The following EPB41L2 variants were observed in gnomAD, a reference collection of about 807,000 sequenced individuals.
The protein encoded by EPB41L2 is erythrocyte membrane protein band 4.1 like 2.
Under a neutral mutation model 113.0 loss-of-function variants are expected in EPB41L2, and 43 were observed. That is an observed-to-expected ratio of 0.38 (90% CI 0.30 to 0.49). The LOEUF is 0.49. EPB41L2 is among the 20% of genes least tolerant of loss of function. The probability of loss-of-function intolerance (pLI) is 0.95; values close to 1 mark genes in which losing one functional copy is unlikely to be tolerated. For missense variants in EPB41L2, 1,147 were observed against 1,223.4 expected (o/e 0.94, Z 0.93); for synonymous variants, 442 against 436.7 (o/e 1.01, Z -0.15).
chr6:130,902,549 TTA>T (rs1409594817), intron 6 of EPB41L2, among the ~76,000 whole-genome samples: 1 of 152,178 alleles, frequency 6.6e-6, no homozygotes, highest in African/African-American at 2.4e-5. Flanking sequence ...TTAAGGAGGA[TTA>T]TATGTTTCCT....
chr6:130,879,429 A>C lies in EPB41L2; in HGVS notation c.1896+715T>G, dbSNP rs1039540840. Among the ~76,000 whole-genome samples the C allele has an allele frequency of 3.3e-5, 5 of 152,188 alleles. No individual in the cohort carries two copies. In the South Asian group the frequency reaches 1.0e-3, roughly 31 times the overall value. ...TTACCAAGCTGCCAAAAGCAACCAAACAGATTAGTCAGATTACTGAGAGCT... is the reference window on the plus strand; with the variant it reads ...TTACCAAGCTGCCAAAAGCAACCAACCAGATTAGTCAGATTACTGAGAGCT... On this transcript the variant is annotated intron_variant, in intron 13 of 19. Coordinates refer to ENST00000337057, the MANE Select transcript of EPB41L2 (RefSeq NM_001431.4).
chr6:131,025,971 A>G (rs1431245534), intron 1 of EPB41L2, among the ~76,000 whole-genome samples: 1 of 152,230 alleles, frequency 6.6e-6, no homozygotes, highest in Admixed American at 6.5e-5. Flanking sequence ...AGTCACCTAA[A>G]AAAAATACCA....
chr6:130,843,948 G>C (rs1336734561), intron 19 of EPB41L2, among the ~76,000 whole-genome samples: 1 of 152,184 alleles, frequency 6.6e-6, no homozygotes, highest in Non-Finnish European at 1.5e-5. Flanking sequence ...CAAGTTCTAT[G>C]ATCTTGCCCG....
At chr6:130,998,883 A>T (rs62423597) in intron 1 of EPB41L2, among the ~76,000 whole-genome samples, 55,687 of 151,856 alleles carry the variant, frequency 0.37, 10,492 homozygotes, top group African/African-American at 0.41. Context: ...CTCCACTGAG[A>T]GAGGAAAGCA....
Position 130,843,764 on chromosome 6 carries a change from G to A in EPB41L2, c.*6-3166C>T, listed in dbSNP as rs1485278486. Among the ~76,000 whole-genome samples the A allele has an allele frequency of 2.6e-5, 4 of 152,152 alleles. No homozygotes were observed. In the East Asian group the frequency reaches 7.7e-4, roughly 29 times the overall value. On this transcript the variant is annotated intron_variant, in intron 19 of 19. Transcript: ENST00000337057. ...TATGTCCCCCTCTTTTGGCCAATGT[G>A]AGAATAGATCAATGTGGCTCAATTT...
chr6:130,848,191 TCTCTCTCTCACACACACACA>T, intron 19 of EPB41L2, among the ~76,000 whole-genome samples: 1 of 113,958 alleles, frequency 8.8e-6, no homozygotes, highest in East Asian at 2.6e-4. Context: ...TGTCTCTCTC[TCTCTCTCTCACACACACACA>T]CACACACACA....
At chr6:131,056,617 A>G (rs1797648640) in intron 1 of EPB41L2, among the ~76,000 whole-genome samples, 1 of 152,244 alleles carries the variant, frequency 6.6e-6, no homozygotes, top group Non-Finnish European at 1.5e-5. Flanking sequence ...ATTCACCAGT[A>G]ACCAACCCAC....
chr6:131,044,683 T>G (rs1795088671), intron 1 of EPB41L2, among the ~76,000 whole-genome samples: 1 of 152,098 alleles, frequency 6.6e-6, no homozygotes, highest in African/African-American at 2.4e-5. Context: ...GGGAAAGCAC[T>G]CCATTCCAAG....
intron 18 of EPB41L2, among the ~76,000 whole-genome samples, chr6:130,858,531 A>T (rs1302491455): frequency 6.6e-6 from 1 of 152,278 alleles, no homozygotes; most frequent in Non-Finnish European, 1.5e-5. Flanking sequence ...AGATTTGGAG[A>T]AAACAGTTCT....
chr6:130,892,254 C>T (rs1056344043), intron 10 of EPB41L2, among the ~76,000 whole-genome samples: 9 of 152,076 alleles, frequency 5.9e-5, no homozygotes, highest in Admixed American at 2.0e-4. Flanking sequence ...TGCCTGGCTG[C>T]TGTGCTCCTC....
intron 1 of EPB41L2, among the ~76,000 whole-genome samples, chr6:130,992,027 G>A (rs1781990497): frequency 6.6e-6 from 1 of 151,942 alleles, no homozygotes; most frequent in African/African-American, 2.4e-5. Context: ...AGAAAAAAAA[G>A]AAAATCTTTC....
chr6:130,960,591 C>A (rs1224019005), intron 1 of EPB41L2, among the ~76,000 whole-genome samples: 1 of 152,124 alleles, frequency 6.6e-6, no homozygotes, highest in Non-Finnish European at 1.5e-5. Flanking sequence ...ATGGAAGTTA[C>A]AAGACAGAAA....
intron 4 of EPB41L2, among the ~76,000 whole-genome samples, chr6:130,922,217 C>A (rs567303151): frequency 6.6e-6 from 1 of 152,272 alleles, no homozygotes; most frequent in African/African-American, 2.4e-5. Flanking sequence ...ACAGAATCAC[C>A]ATCAATAAGT....
chr6:130,954,145 C>T (rs539203159), intron 3 of EPB41L2, among the ~76,000 whole-genome samples: 7 of 147,322 alleles, frequency 4.8e-5, no homozygotes, highest in East Asian at 2.1e-4. Flanking sequence ...CTCCGCCTCC[C>T]GGGTTCACGC....
At chr6:130,984,663 A>G (rs998576633) in intron 1 of EPB41L2, among the ~76,000 whole-genome samples, 1 of 152,208 alleles carries the variant, frequency 6.6e-6, no homozygotes, top group South Asian at 2.1e-4. Context: ...CTGTAAATGC[A>G]TTTTTAAAAA....
At chr6:130,898,758 A>G (rs774727257) in intron 8 of EPB41L2, among the ~76,000 whole-genome samples, 8 of 152,110 alleles carry the variant, frequency 5.3e-5, no homozygotes, top group Non-Finnish European at 8.8e-5. Context: ...TGGCCTATGA[A>G]CTTCTGTTGT....
At chr6:130,915,968 G>GA (rs1392741954) in intron 4 of EPB41L2, among the ~76,000 whole-genome samples, 13 of 152,272 alleles carry the variant, frequency 8.5e-5, no homozygotes, top group African/African-American at 2.6e-4. Context: ...TCAGCAGTAT[G>GA]AAAACAGACT....
intron 3 of EPB41L2, among the ~76,000 whole-genome samples, chr6:130,936,487 A>G (rs952201478): frequency 6.6e-6 from 1 of 152,228 alleles, no homozygotes; most frequent in Non-Finnish European, 1.5e-5. Flanking sequence ...AGTACTAAAT[A>G]GGGTTTAATT....
chr6:130,873,631 A>G (rs975279578), intron 14 of EPB41L2, among the ~76,000 whole-genome samples: 1 of 152,100 alleles, frequency 6.6e-6, no homozygotes, highest in South Asian at 2.1e-4. Flanking sequence ...ATGCCCAGCT[A>G]ATTTTTATAT....
Sources: allele counts gnomAD v4.1 joint callset (sites outside exome capture counted in the v4.1 genomes callset), GRCh38; gene constraint gnomAD v4.1.1; transcripts MANE v1.5; gene names NCBI Gene and HGNC (gene_info 2026-07-23, HGNC 2026-07-21).